Variants in MIPEP observed in about 807,000 individuals in gnomAD.
MIPEP encodes mitochondrial intermediate peptidase.
MIPEP carries 79 observed loss-of-function variants against 90.3 expected under a neutral mutation model. The ratio of observed to expected loss-of-function variants is 0.87; its 90% confidence interval spans 0.73 to 1.05. MIPEP has a LOEUF of 1.05. Among genes scored for constraint, MIPEP ranks in the 50% least tolerant of loss-of-function variants. The pLI is 0.00. For missense variants in MIPEP, 940 were observed against 905.6 expected (o/e 1.04, Z -0.49); for synonymous variants, 334 against 315.8 (o/e 1.06, Z -0.61).
chr13:23,797,914 C>T (rs1280578399), intron 16 of MIPEP, among the ~76,000 whole-genome samples: 3 of 152,118 alleles, frequency 2.0e-5, no homozygotes, highest in Admixed American at 6.5e-5. Flanking sequence ...TGCTTAATAA[C>T]GAGATGTCTG....
intron 16 of MIPEP, among the ~76,000 whole-genome samples, chr13:23,780,449 T>C (rs1013198239): frequency 7.9e-5 from 12 of 152,252 alleles, no homozygotes; most frequent in African/African-American, 2.6e-4. Context: ...CAAAACCCCA[T>C]CTGTACGTCA....
chr13:23,814,215 T>C (rs955788718), intron 14 of MIPEP, among the ~76,000 whole-genome samples: 3 of 152,302 alleles, frequency 2.0e-5, no homozygotes, highest in Middle Eastern at 3.4e-3. Context: ...ACATATAATT[T>C]CTCAATTCTT....
At chr13:23,822,475 T>G (rs1306527057) in intron 14 of MIPEP, among the ~76,000 whole-genome samples, 1 of 152,218 alleles carries the variant, frequency 6.6e-6, no homozygotes, top group Non-Finnish European at 1.5e-5. Flanking sequence ...TTTCAAGCAT[T>G]TAGCTAATTG....
chr13:23,807,143 G>A (rs942745998), intron 15 of MIPEP, among the ~76,000 whole-genome samples: 2 of 152,172 alleles, frequency 1.3e-5, no homozygotes, highest in African/African-American at 4.8e-5. Flanking sequence ...CTGAAACACA[G>A]TGGGAGAAGA....
chr13:23,835,674 C>T (rs1869004767), intron 14 of MIPEP, among the ~76,000 whole-genome samples: 1 of 152,172 alleles, frequency 6.6e-6, no homozygotes, highest in Admixed American at 6.5e-5. Flanking sequence ...ATGTTGACAA[C>T]TTACAGCTAG....
rs1566009690 is a variant in MIPEP at position 23,831,388 on chromosome 13, G to GGCGGGGGA, written c.1653+4851_1653+4852insTCCCCCGC. On this transcript the variant is annotated intron_variant, in intron 14 of 18. Coordinates refer to ENST00000382172, the MANE Select transcript of MIPEP (RefSeq NM_005932.4). The stretch of plus-strand genomic sequence containing the variant: ...ACAGCCTAGCTTCCCCATGGCGGGG[G>GGCGGGGGA]GGGGATGTGGATGGGAATTGCCTTA... Among the ~76,000 whole-genome samples, 11 of 145,972 alleles carry GGCGGGGGA rather than the reference G, an allele frequency of 7.5e-5. 1 individual carries two copies. The highest frequency in any genetic ancestry group is 2.0e-4 in the African/African-American group (8 of 39,674).
intron 10 of MIPEP, among the ~76,000 whole-genome samples, chr13:23,850,345 C>T (rs79557343): frequency 3.9e-5 from 6 of 152,144 alleles, no homozygotes; most frequent in African/African-American, 4.8e-5. Flanking sequence ...AGTAAAGGAA[C>T]TGAATGATAC....
intron 3 of MIPEP, among the ~76,000 whole-genome samples, chr13:23,880,236 T>C (rs1171344206): frequency 6.6e-6 from 1 of 152,080 alleles, no homozygotes; most frequent in East Asian, 1.9e-4. Flanking sequence ...GAAACGTAGA[T>C]AGTCATTACC....
intron 16 of MIPEP, among the ~76,000 whole-genome samples, chr13:23,768,436 C>T (rs1160860689): frequency 1.3e-5 from 2 of 152,152 alleles, no homozygotes; most frequent in Non-Finnish European, 2.9e-5. Context: ...AAAATGTTGA[C>T]CAGGCACGGT....
intron 11 of MIPEP, among the ~76,000 whole-genome samples, chr13:23,841,056 C>G (rs548632694): frequency 1.6e-4 from 24 of 152,270 alleles, no homozygotes; most frequent in Non-Finnish European, 2.9e-4. Context: ...GACAATTTTC[C>G]TATAAATAGA....
intron 3 of MIPEP, among the ~76,000 whole-genome samples, chr13:23,879,931 C>T (rs1004630052): frequency 1.3e-5 from 2 of 152,160 alleles, no homozygotes; most frequent in African/African-American, 4.8e-5. Context: ...GGGCCCAATG[C>T]TGGGCAGTGG....
chr13:23,730,410 C>G lies in MIPEP; in HGVS notation c.2080G>C (p.Val694Leu), dbSNP rs537985967. Reference sequence around the variant, plus strand: ...TCCAAGTCGGAAACGAGGGCACTTACGAAGTCATCAACAGAAGGACACTTC... The same window carrying G: ...TCCAAGTCGGAAACGAGGGCACTTAGGAAGTCATCAACAGAAGGACACTTC... ...LQKCPSVDDF[V>L]SALVSDLDLD... is the part of the protein sequence containing the mutation. The change falls in exon 19 of 19, where the codon GTA (valine) becomes CTA (leucine). Residue 694 changes from valine to leucine, a missense_variant. Physicochemically the swap from Val to Leu is conservative, Grantham distance 32. Transcript: ENST00000382172. 4 of 1,612,632 alleles carry G rather than the reference C, an allele frequency of 2.5e-6. No individual in the cohort carries two copies. The highest frequency in any genetic ancestry group is 1.3e-5 in the African/African-American group (1 of 74,932).
At chr13:23,743,473 C>G (rs565955973) in intron 18 of MIPEP, among the ~76,000 whole-genome samples, 2 of 152,212 alleles carry the variant, frequency 1.3e-5, no homozygotes, top group Admixed American at 6.5e-5. Flanking sequence ...GACTATCGGC[C>G]AGGAAGTGAA....
At chr13:23,747,025 G>C (rs1952390953) in intron 18 of MIPEP, among the ~76,000 whole-genome samples, 1 of 152,212 alleles carries the variant, frequency 6.6e-6, no homozygotes, top group African/African-American at 2.4e-5. Context: ...CAGTAATCAA[G>C]AGTCTATGGC....
chr13:23,820,983 C>T (rs1953299025), intron 14 of MIPEP, among the ~76,000 whole-genome samples: 1 of 152,220 alleles, frequency 6.6e-6, no homozygotes. Context: ...ACACTGCCTC[C>T]ATACTGAAAA....
intron 16 of MIPEP, among the ~76,000 whole-genome samples, chr13:23,782,748 A>T (rs1361503591): frequency 6.6e-6 from 1 of 152,190 alleles, no homozygotes; most frequent in East Asian, 1.9e-4. Context: ...AATCAAATAG[A>T]CGCAATAAAA....
At chr13:23,872,590 A>ATAT (rs1870865465) in intron 5 of MIPEP, among the ~76,000 whole-genome samples, 1 of 152,190 alleles carries the variant, frequency 6.6e-6, no homozygotes, top group Non-Finnish European at 1.5e-5. Context: ...TGTCTACTTT[A>ATAT]TATCCTGTCC....
At chr13:23,790,586 AG>A (rs1162124747) in intron 16 of MIPEP, among the ~76,000 whole-genome samples, 6 of 73,774 alleles carry the variant, frequency 8.1e-5, no homozygotes, top group Non-Finnish European at 1.6e-4. Flanking sequence ...AAGAAGTAGA[AG>A]GAGGGGGAGG....
At chr13:23,844,621 AAGG>A (rs1869456180) in intron 10 of MIPEP, among the ~76,000 whole-genome samples, 1 of 152,234 alleles carries the variant, frequency 6.6e-6, no homozygotes, top group Non-Finnish European at 1.5e-5. Flanking sequence ...CACAAAAATA[AAGG>A]AGAATAAAAA....
Sources: allele counts gnomAD v4.1 joint callset (sites outside exome capture counted in the v4.1 genomes callset), GRCh38; gene constraint gnomAD v4.1.1; transcripts MANE v1.5; gene names NCBI Gene and HGNC (gene_info 2026-07-23, HGNC 2026-07-21).